Variants in RPS3A observed in about 807,000 individuals in gnomAD.
The protein encoded by RPS3A is small ribosomal subunit protein eS1.
A neutral mutation model predicts 26.4 loss-of-function variants in RPS3A; 1 was observed. That is an observed-to-expected ratio of 0.04 (90% CI 0.01 to 0.18). RPS3A has a LOEUF of 0.18. Among genes scored for constraint, RPS3A ranks in the 10% least tolerant of loss-of-function variants. The pLI, the probability that RPS3A is intolerant of heterozygous loss-of-function variation, is 1.00. For missense variants in RPS3A, 139 were observed against 326.8 expected (o/e 0.43, Z 4.43); for synonymous variants, 97 against 106.1 (o/e 0.91, Z 0.53).
chr4:151,103,916 GA>G (rs1747246538), intron 4 of RPS3A: 18 of 1,493,700 alleles, frequency 1.2e-5, no homozygotes, highest in Non-Finnish European at 1.4e-5. Context: ...AGTTAGCTAA[GA>G]GGGTGTAATG....
At chr4:151,104,439 GT>G (rs386401872) in intron 5 of RPS3A, 32 bp from the exon 6 acceptor site, 10,091 of 708,306 alleles carry the variant, frequency 0.014, no homozygotes, top group East Asian at 0.036. Flanking sequence ...CAGTTTTTTG[GT>G]TTTTTTTTTT....
chr4:151,104,439 G>GTTTTTTTGTTT (rs1747274562), intron 5 of RPS3A, 33 bp from the exon 6 acceptor site: 28 of 711,678 alleles, frequency 3.9e-5, no homozygotes, highest in Admixed American at 2.5e-4. Flanking sequence ...CAGTTTTTTG[G>GTTTTTTTGTTT]TTTTTTTTTT....
At chr4:151,099,854 C>T (rs1747037905) in intron 1 of RPS3A, 140 bp downstream of exon 1, 3 of 898,722 alleles carry the variant, frequency 3.3e-6, no homozygotes, top group East Asian at 5.6e-5. Context: ...CACCCAGGAA[C>T]GCGGCCTGGA....
At chr4:151,099,748 G>A (rs1041328063) in intron 1 of RPS3A, 34 bp downstream of exon 1, 1 of 1,596,896 alleles carries the variant, frequency 6.3e-7, no homozygotes, top group Admixed American at 1.7e-5. Context: ...CTTGCTTTTT[G>A]GGGGTCTGCT....
intron 1 of RPS3A, 155 bp from the exon 2 acceptor site, chr4:151,100,330 G>A (rs773048028): frequency 6.8e-6 from 4 of 591,422 alleles, no homozygotes; most frequent in East Asian, 5.7e-5. Context: ...GGAAGAGCTA[G>A]ATTTATGTTT....
rs773937414 is a variant in RPS3A at position 151,100,955 on chromosome 4, CTTGT to C, written c.167-17_167-14del. ...TATATGGTTCCTAAATGTTAAGATA[CTTGT>C]TTTTTTCTTTTGTAGAAATTGCATC... On this transcript the variant is annotated splice_polypyrimidine_tract_variant and intron_variant, in intron 2 of 5. Transcript: ENST00000274065. 1 of 1,549,328 alleles carries C rather than the reference CTTGT, an allele frequency of 6.5e-7. No homozygotes were observed. Among genetic ancestry groups the C allele is most frequent in the Non-Finnish European group, 8.7e-7 (1 of 1,144,994 alleles).
intron 5 of RPS3A, 65 bp downstream of exon 5, chr4:151,104,351 T>G: frequency 6.4e-7 from 1 of 1,554,166 alleles, no homozygotes. Context: ...AGGAGGAGTG[T>G]GGGGCCATAT....
chr4:151,101,986 G>A (rs1747135789), intron 3 of RPS3A: 1 of 489,446 alleles, frequency 2.0e-6, no homozygotes, highest in Non-Finnish European at 4.0e-6. Context: ...GCCCGCCTCA[G>A]CCTCTCAAAG....
chr4:151,102,434 A>G (rs1202134393), intron 3 of RPS3A, among the ~76,000 whole-genome samples: 2 of 150,950 alleles, frequency 1.3e-5, no homozygotes, highest in African/African-American at 4.9e-5. Context: ...GCAGTCACCT[A>G]TTTACAACAC....
intron 4 of RPS3A, 47 bp from the exon 5 acceptor site, chr4:151,104,130 T>G: frequency 9.9e-7 from 1 of 1,006,970 alleles, no homozygotes; most frequent in Non-Finnish European, 1.4e-6. Flanking sequence ...GGCTTATATC[T>G]GAGAACTAGG....
chr4:151,102,661 A>T (rs1386691811), intron 3 of RPS3A: 2 of 565,464 alleles, frequency 3.5e-6, no homozygotes, highest in Non-Finnish European at 6.2e-6. Context: ...GGCAGTTGAG[A>T]GGACCTGGTT....
intron 1 of RPS3A, 81 bp from the exon 2 acceptor site, chr4:151,100,401 ATAT>A: frequency 1.3e-6 from 1 of 796,346 alleles, no homozygotes; most frequent in Non-Finnish European, 2.1e-6. Flanking sequence ...GCTTTTTAAA[ATAT>A]TAATGGGAAA....
rs1579555440 is a variant in RPS3A at position 151,100,322 on chromosome 4, A to T, written c.63-163A>T. 5.6e-5 allele frequency: 33 copies of T among 585,830 alleles called. No homozygotes were observed. The South Asian group carries it at 6.5e-4, about 12-fold the overall frequency. The allele number at this position is 585,830 out of a possible 1,614,324, so 36.3% of individuals were successfully genotyped here. A position where few individuals can be genotyped will look rare whatever the true frequency, so the allele number is the denominator to read the frequency against. ...TGCATGCAGTGAAACGTACAGTGGG[A>T]AGAGCTAGATTTATGTTTGTTCCCC... On this transcript the variant is annotated intron_variant, in intron 1 of 5. Transcript: ENST00000274065.
In RPS3A at chr4:151,104,170, T is replaced by C. The variant is rs1579560034; in HGVS notation, c.564-7T>C. On this transcript the variant is annotated splice_region_variant and splice_polypyrimidine_tract_variant and intron_variant, in intron 4 of 5. Transcript: ENST00000274065. ...TTAGAAAAAAATTTACTGTTACTGG[T>C]TTGCAGGATTCCAGACAGCATTGGA... 2 of 1,603,970 alleles carry C rather than the reference T, an allele frequency of 1.2e-6. No homozygotes were observed. Among genetic ancestry groups the C allele is most frequent in the East Asian group, 2.2e-5 (1 of 44,844 alleles).
Position 151,100,526 on chromosome 4 carries a change from C to T in RPS3A, c.104C>T (p.Ala35Val), listed in dbSNP as rs766712231. The T allele has an allele frequency of 9.3e-6, 15 of 1,608,792 alleles. No homozygotes were observed. The African/African-American group carries it at 1.6e-4, about 17-fold the overall frequency. The change falls in exon 2 of 6, where the codon GCA (alanine) becomes GTA (valine). Residue 35 changes from alanine to valine, a missense_variant. Physicochemically the swap from Ala to Val is moderately conservative, Grantham distance 64. Around this residue, in one of 3 missense-constraint regions of RPS3A, gnomAD observed 35 missense variants for 60.1 expected, o/e 0.58. Coordinates refer to ENST00000274065, the MANE Select transcript of RPS3A (RefSeq NM_001006.5). ...AAGAAAGATTGGTATGATGTGAAAG[C>T]ACCTGCTATGTTCAATATAAGAAAT... ...FSKKDWYDVK[A>V]PAMFNIRNIG...
At chr4:151,100,435 A>G (rs117748648) in intron 1 of RPS3A, 50 bp from the exon 2 acceptor site, 2 of 1,017,518 alleles carry the variant, frequency 2.0e-6, no homozygotes, top group East Asian at 2.4e-5. Context: ...AGTGAAAAAT[A>G]CAGTAAGAAT....
At chr4:151,103,252 A>G in intron 4 of RPS3A, 173 bp downstream of exon 4, 1 of 1,204,160 alleles carries the variant, frequency 8.3e-7, no homozygotes, top group South Asian at 1.6e-5. Context: ...TATGATTATT[A>G]TTACTATTAT....
chr4:151,100,656 G>A, intron 2 of RPS3A, 68 bp downstream of exon 2: 1 of 949,478 alleles, frequency 1.1e-6, no homozygotes, highest in Non-Finnish European at 1.7e-6. Context: ...AGGCATCTTG[G>A]TCTGTTGTTG....
chr4:151,102,656 T>C (rs1382435959), intron 3 of RPS3A: 4 of 549,678 alleles, frequency 7.3e-6, no homozygotes, highest in African/African-American at 3.8e-5. Flanking sequence ...GGGAGGGCAG[T>C]TGAGAGGACC....
Sources: allele counts gnomAD v4.1 joint callset (sites outside exome capture counted in the v4.1 genomes callset), GRCh38; gene constraint gnomAD v4.1.1; regional missense constraint gnomAD v4.1.1; transcripts MANE v1.5; gene names NCBI Gene and HGNC (gene_info 2026-07-23, HGNC 2026-07-21).